SCN11A: variants seen among roughly 807,000 people sequenced by gnomAD.
The protein encoded by SCN11A is sodium voltage-gated channel alpha subunit 11, also known as sodium channel protein type 11 subunit alpha.
A neutral mutation model predicts 162.2 loss-of-function variants in SCN11A; 122 were observed. The observed-to-expected ratio is 0.75, with a 90% CI of 0.65 to 0.87. The LOEUF (loss-of-function observed/expected upper bound fraction) is 0.87. Ranked by LOEUF, SCN11A falls within the 40% of genes least tolerant of loss-of-function variation. The pLI, the probability that SCN11A is intolerant of heterozygous loss-of-function variation, is 0.00. For synonymous variants in SCN11A, 758 were observed against 751.5 expected (o/e 1.01, Z -0.14); for missense variants, 2,015 against 2,181.6 (o/e 0.92, Z 1.52).
intron 2 of SCN11A, among the ~76,000 whole-genome samples, chr3:38,961,434 C>A (rs781427889): frequency 5.3e-5 from 8 of 152,228 alleles, no homozygotes; most frequent in Non-Finnish European, 1.0e-4. Flanking sequence ...CCCAGGTCCT[C>A]TGGAGAGGAA....
At chr3:39,047,726 C>T (rs746561583) in intron 1 of SCN11A, among the ~76,000 whole-genome samples, 16 of 151,780 alleles carry the variant, frequency 1.1e-4, no homozygotes, top group Non-Finnish European at 2.2e-4. Context: ...GATCTGAATA[C>T]ACATTTTTCA....
intron 22 of SCN11A, among the ~76,000 whole-genome samples, chr3:38,882,613 G>T (rs150484200): frequency 3.7e-4 from 56 of 152,224 alleles, no homozygotes; most frequent in African/African-American, 1.3e-3. Flanking sequence ...AGACAAGAAG[G>T]ACCAGAAGGT....
At chr3:38,869,684 C>T (rs922874962) in intron 26 of SCN11A, among the ~76,000 whole-genome samples, 3 of 152,174 alleles carry the variant, frequency 2.0e-5, no homozygotes, top group African/African-American at 4.8e-5. Context: ...ACTTCTACTG[C>T]TACTACAGGC....
chr3:39,022,953 T>A (rs1465915422), intron 2 of SCN11A, among the ~76,000 whole-genome samples: 1 of 152,192 alleles, frequency 6.6e-6, no homozygotes, highest in Non-Finnish European at 1.5e-5. Context: ...ATTGGAAACT[T>A]TAACACTAAA....
intron 7 of SCN11A, among the ~76,000 whole-genome samples, chr3:38,928,141 T>A (rs950126009): frequency 2.9e-4 from 44 of 152,148 alleles, no homozygotes; most frequent in Non-Finnish European, 5.1e-4. Context: ...TTACACCATA[T>A]AAAAAATTAA....
intron 2 of SCN11A, among the ~76,000 whole-genome samples, chr3:39,026,406 C>A (rs1337105913): frequency 6.6e-6 from 1 of 152,230 alleles, no homozygotes; most frequent in African/African-American, 2.4e-5. Context: ...TGAACTACAA[C>A]CTCGCCGGGT....
At chr3:38,879,901 C>A in intron 23 of SCN11A, 49 bp downstream of exon 23, 3 of 1,512,632 alleles carry the variant, frequency 2.0e-6, no homozygotes, top group Non-Finnish European at 2.7e-6. Flanking sequence ...ATGATCCCTG[C>A]CTTAACCACT....
intron 2 of SCN11A, among the ~76,000 whole-genome samples, chr3:39,009,843 ATTTTTT>A (rs60263866): frequency 1.7e-5 from 2 of 115,316 alleles, no homozygotes; most frequent in African/African-American, 3.2e-5. Context: ...CGCTCAGCTA[ATTTTTT>A]TTTTTTTTTT....
intron 7 of SCN11A, among the ~76,000 whole-genome samples, chr3:38,941,515 T>C (rs1158749182): frequency 6.6e-6 from 1 of 152,168 alleles, no homozygotes; most frequent in Non-Finnish European, 1.5e-5. Flanking sequence ...ATAAACTGTA[T>C]TGTTGGGTTT....
At chr3:38,853,946 T>G (rs2064825900) in intron 28 of SCN11A, among the ~76,000 whole-genome samples, 1 of 152,184 alleles carries the variant, frequency 6.6e-6, no homozygotes, top group Non-Finnish European at 1.5e-5. Context: ...GGATGCTACT[T>G]CTATCTTGCC....
chr3:38,970,559 C>G (rs2066810571), intron 2 of SCN11A, among the ~76,000 whole-genome samples: 2 of 152,098 alleles, frequency 1.3e-5, no homozygotes, highest in Non-Finnish European at 2.9e-5. Flanking sequence ...TGAGGCCTGG[C>G]CTTTCAGACA....
intron 2 of SCN11A, among the ~76,000 whole-genome samples, chr3:39,026,443 T>C (rs1359757892): frequency 6.6e-6 from 1 of 152,228 alleles, no homozygotes; most frequent in African/African-American, 2.4e-5. Context: ...TTTCCCATCA[T>C]GATGAAAACC....
intron 1 of SCN11A, among the ~76,000 whole-genome samples, chr3:39,036,349 T>C (rs1462821097): frequency 1.3e-5 from 2 of 152,118 alleles, no homozygotes; most frequent in Non-Finnish European, 2.9e-5. Context: ...TTTGCCATGT[T>C]GGCCAGGCTG....
chr3:38,971,947 G>A (rs2066819324), intron 2 of SCN11A, among the ~76,000 whole-genome samples: 1 of 152,206 alleles, frequency 6.6e-6, no homozygotes, highest in African/African-American at 2.4e-5. Context: ...CAGGAGGCAG[G>A]AGGAAGGAGG....
intron 27 of SCN11A, among the ~76,000 whole-genome samples, chr3:38,866,467 G>A (rs1034773328): frequency 2.0e-5 from 3 of 152,142 alleles, no homozygotes; most frequent in Non-Finnish European, 2.9e-5. Flanking sequence ...TGATTTCCCC[G>A]CCTTGGCCTC....
chr3:38,934,647 G>A (rs2066300017), intron 7 of SCN11A, among the ~76,000 whole-genome samples: 3 of 152,080 alleles, frequency 2.0e-5, no homozygotes, highest in Non-Finnish European at 4.4e-5. Flanking sequence ...TTACATAATG[G>A]TAAAGGGATC....
At chr3:38,979,797 C>T (rs2029950782) in intron 2 of SCN11A, among the ~76,000 whole-genome samples, 1 of 152,142 alleles carries the variant, frequency 6.6e-6, no homozygotes, top group Admixed American at 6.5e-5. Context: ...CTAACAGGCA[C>T]AGTCCTAAAT....
At chr3:38,971,669 C>T (rs2125587240) in intron 2 of SCN11A, among the ~76,000 whole-genome samples, 1 of 152,274 alleles carries the variant, frequency 6.6e-6, no homozygotes, top group East Asian at 1.9e-4. Flanking sequence ...TTTCTTGGCC[C>T]CCAGTAGCCC....
Position 38,904,024 on chromosome 3 carries a change from G to T in SCN11A, c.1683C>A (p.Pro561=), listed in dbSNP as rs999052924. 1.6e-5 allele frequency: 25 copies of T among 1,611,684 alleles called. 1 individual carries two copies. In the Middle Eastern group the frequency reaches 6.6e-4, roughly 43 times the overall value. The change falls in exon 16 of 30, where the codon CCC becomes CCA. Residue 561 remains proline, a synonymous_variant. Transcript: ENST00000302328. ...ASKYLVWNCC[P]QWLCVKKVLR... The stretch of plus-strand genomic sequence containing the variant: ...GGACCTTCTTAACGCACAGCCACTG[G>T]GGGCAACAGTTCCACACGAGGTACT...
Sources: gnomAD v4.1 joint callset for allele counts (sites outside exome capture counted in the v4.1 genomes callset) on GRCh38, gnomAD v4.1.1 for gene constraint, MANE v1.5 for transcripts, NCBI Gene and HGNC (gene_info 2026-07-23, HGNC 2026-07-21) for gene names.